YEATS2: variants seen among roughly 807,000 people sequenced by gnomAD.
YEATS2 encodes the protein YEATS domain-containing protein 2.
Under a neutral mutation model 163.2 loss-of-function variants are expected in YEATS2, and 77 were observed. That is an observed-to-expected ratio of 0.47 (90% CI 0.39 to 0.57). The LOEUF (loss-of-function observed/expected upper bound fraction) is 0.57. YEATS2 is among the 20% of genes least tolerant of loss of function. The pLI is 0.00. For missense variants in YEATS2, 1,549 were observed against 1,729.8 expected, an observed-to-expected ratio of 0.90 and a Z score of 1.85; for synonymous variants, 631 against 645.1, an observed-to-expected ratio of 0.98 and a Z score of 0.33.
chr3:183,763,280 C>A (rs941177490), intron 15 of YEATS2, among the ~76,000 whole-genome samples: 8 of 151,988 alleles, frequency 5.3e-5, no homozygotes, highest in African/African-American at 1.9e-4. Flanking sequence ...TAAACCTGTT[C>A]CGCATGTTAC....
At chr3:183,707,433 C>T (rs937715214) in intron 1 of YEATS2, among the ~76,000 whole-genome samples, 1 of 152,122 alleles carries the variant, frequency 6.6e-6, no homozygotes, top group African/African-American at 2.4e-5. Context: ...TTCGTCCATT[C>T]CTCTGGTTTG....
rs1338313076 is a variant in YEATS2 at position 183,762,127 on chromosome 3, C to T, written c.1795C>T (p.Pro599Ser). ...VIIKQEPGEA[P>S]HVPATGAASQ... is the part of the protein sequence containing the mutation. ...CATCAAACAGGAACCTGGTGAAGCC[C>T]CTCACGTGCCCGCAACAGGAGCTGC... is the stretch of plus-strand genomic sequence containing the variant. The change falls in exon 15 of 31, where the codon CCT (proline) becomes TCT (serine). Residue 599 changes from proline to serine, a missense_variant. By Grantham distance (74) the Pro-to-Ser change is moderately conservative (BLOSUM62 -1). Coordinates refer to ENST00000305135, the MANE Select transcript of YEATS2 (RefSeq NM_018023.5). The T allele has an allele frequency of 6.2e-7, 1 of 1,613,986 alleles. No individual in the cohort carries two copies. The highest frequency in any genetic ancestry group is 1.3e-5 in the African/African-American group (1 of 74,886).
At chr3:183,788,602 A>G (rs1200099398) in intron 20 of YEATS2, among the ~76,000 whole-genome samples, 1 of 152,238 alleles carries the variant, frequency 6.6e-6, no homozygotes, top group Admixed American at 6.5e-5. Flanking sequence ...TAGTGCCGTA[A>G]TAAACATGGA....
intron 4 of YEATS2, among the ~76,000 whole-genome samples, chr3:183,721,375 C>G (rs1716473681): frequency 6.6e-6 from 1 of 152,088 alleles, no homozygotes; most frequent in South Asian, 2.1e-4. Context: ...ATTTTGTATG[C>G]AAGTAACTAA....
chr3:183,736,603 C>G, intron 7 of YEATS2, 115 bp from the exon 8 acceptor site: 1 of 715,834 alleles, frequency 1.4e-6, no homozygotes, highest in Non-Finnish European at 2.2e-6. Context: ...ACGAGGAAAT[C>G]TAAATGATTC....
rs746096212 is a variant in YEATS2, at chr3:183,804,155, G to A, written c.3751G>A (p.Glu1251Lys). ...CCTGAGGAATGACGGGGACTCCATC[G>A]AGGACGTGCTGACCCAGATCGACAG... ...ESLRNDGDSI[E>K]DVLTQIDSEP... is the part of the protein sequence containing the mutation. The change falls in exon 27 of 31, where the codon GAG becomes AAG. Residue 1251 changes from glutamate to lysine, a missense_variant. By Grantham distance (56) the Glu-to-Lys change is moderately conservative. Coordinates refer to ENST00000305135, the MANE Select transcript of YEATS2 (RefSeq NM_018023.5). The A allele has an allele frequency of 1.1e-5, 18 of 1,614,162 alleles. No individual in the cohort carries two copies. The highest frequency in any genetic ancestry group is 2.2e-5 in the East Asian group (1 of 44,876).
chr3:183,781,777 C>T lies in YEATS2; in HGVS notation c.2736+4077C>T, dbSNP rs544106695. The stretch of plus-strand genomic sequence containing the variant: ...ACTACCTGGGCCATGGTGGCACATG[C>T]CTGTGGTCCCAGCCATTCAGGAGGC... On this transcript the variant is annotated intron_variant, in intron 19 of 30. Transcript: ENST00000305135. Among the ~76,000 whole-genome samples the T allele has an allele frequency of 1.3e-3, 202 of 152,266 alleles. 1 individual carries two copies. The highest frequency in any genetic ancestry group is 2.8e-3 in the African/African-American group (116 of 41,558).
chr3:183,756,764 GTAGCCATGTA>G, intron 12 of YEATS2, 75 bp downstream of exon 12: 3 of 1,246,318 alleles, frequency 2.4e-6, no homozygotes, highest in Non-Finnish European at 3.1e-6. Context: ...CCATGACTTG[GTAGCCATGTA>G]ATTGGAGAAT....
chr3:183,774,488 G>A lies in YEATS2; in HGVS notation c.2368+694G>A, dbSNP rs146740910. Reference sequence around the variant, plus strand: ...TGAAACTGGTCCCTGGTGCCACAAAGCTTGGGGACAGCTGGTTTGGATGTA... The same window carrying A: ...TGAAACTGGTCCCTGGTGCCACAAAACTTGGGGACAGCTGGTTTGGATGTA... On this transcript the variant is annotated intron_variant, in intron 17 of 30. Transcript: ENST00000305135. Among the ~76,000 whole-genome samples, 417 of 152,262 alleles carry A rather than the reference G, an allele frequency of 2.7e-3. 1 individual carries two copies. The highest frequency in any genetic ancestry group is 4.9e-3 in the Non-Finnish European group (336 of 68,018).
chr3:183,810,336 C>T, intron 30 of YEATS2, 139 bp from the exon 31 acceptor site: 1 of 706,742 alleles, frequency 1.4e-6, no homozygotes, highest in Non-Finnish European at 2.5e-6. Context: ...CCAGAGTGGC[C>T]CTAAGCTATG....
At chr3:183,704,436 G>A (rs975761946) in intron 1 of YEATS2, among the ~76,000 whole-genome samples, 3 of 142,536 alleles carry the variant, frequency 2.1e-5, no homozygotes, top group South Asian at 4.4e-4. Flanking sequence ...CTGTGTTCTC[G>A]TTAGTTTTTA....
intron 6 of YEATS2, among the ~76,000 whole-genome samples, chr3:183,725,700 C>G (rs761576760): frequency 1.3e-5 from 2 of 152,220 alleles, no homozygotes; most frequent in African/African-American, 2.4e-5. Flanking sequence ...CCTTCCAGGA[C>G]GTGTGGGAAT....
At chr3:183,724,314 T>A (rs1031039577) in intron 5 of YEATS2, 105 bp from the exon 6 acceptor site, 37 of 844,978 alleles carry the variant, frequency 4.4e-5, no homozygotes, top group East Asian at 2.2e-4. Context: ...TGTAATTTTT[T>A]AAAAAAACTT....
At chr3:183,765,578 T>C (rs1024865613) in intron 15 of YEATS2, among the ~76,000 whole-genome samples, 1 of 152,214 alleles carries the variant, frequency 6.6e-6, no homozygotes, top group Admixed American at 6.5e-5. Context: ...GAATCCATGA[T>C]TAGCAGTTGA....
At chr3:183,709,541 G>T (rs149161642) in intron 1 of YEATS2, among the ~76,000 whole-genome samples, 9,798 of 152,024 alleles carry the variant, frequency 0.064, 1,050 homozygotes, top group African/African-American at 0.22. Flanking sequence ...CACCATGTTG[G>T]CCAGGTGGGT....
At chr3:183,707,167 G>A (rs566122463) in intron 1 of YEATS2, among the ~76,000 whole-genome samples, 24 of 152,126 alleles carry the variant, frequency 1.6e-4, no homozygotes, top group Non-Finnish European at 2.6e-4. Flanking sequence ...GGCATCTTGG[G>A]TAAGGAATAC....
At chr3:183,779,884 G>T (rs982601860) in intron 19 of YEATS2, among the ~76,000 whole-genome samples, 1 of 151,796 alleles carries the variant, frequency 6.6e-6, no homozygotes, top group Non-Finnish European at 1.5e-5. Flanking sequence ...TTTTACTAGA[G>T]ACGGGGTTTC....
At chr3:183,803,038 A>T (rs888517507) in intron 25 of YEATS2, 2 of 560,334 alleles carry the variant, frequency 3.6e-6, no homozygotes, top group Non-Finnish European at 6.4e-6. Flanking sequence ...CAAAGAAGCA[A>T]AGTGCCCAGG....
chr3:183,698,612 A>G (rs1213342079), intron 1 of YEATS2, among the ~76,000 whole-genome samples: 2 of 152,238 alleles, frequency 1.3e-5, no homozygotes, highest in Non-Finnish European at 2.9e-5. Flanking sequence ...ATGTTAAGAA[A>G]TAGAAACCAG....
Sources: gnomAD v4.1 joint callset for allele counts (sites outside exome capture counted in the v4.1 genomes callset) on GRCh38, gnomAD v4.1.1 for gene constraint, MANE v1.5 for transcripts, NCBI Gene and HGNC (gene_info 2026-07-23, HGNC 2026-07-21) for gene names.